The following MIDEAS variants were observed in gnomAD, a reference collection of about 807,000 sequenced individuals.
MIDEAS encodes the protein mitotic deacetylase associated SANT domain protein.
Under a neutral mutation model 102.7 loss-of-function variants are expected in MIDEAS, and 26 were observed. The observed-to-expected ratio is 0.25, with a 90% CI of 0.19 to 0.35. The LOEUF (loss-of-function observed/expected upper bound fraction) is 0.35. Ranked by LOEUF, MIDEAS falls within the 10% of genes least tolerant of loss-of-function variation. The pLI is 1.00. For synonymous variants in MIDEAS, 585 were observed against 591.0 expected, an observed-to-expected ratio of 0.99 and a Z score of 0.15; for missense variants, 1,231 against 1,435.6, an observed-to-expected ratio of 0.86 and a Z score of 2.30.
intron 1 of MIDEAS, among the ~76,000 whole-genome samples, chr14:73,747,874 C>A (rs757992289): frequency 1.1e-4 from 16 of 152,080 alleles, no homozygotes; most frequent in Non-Finnish European, 2.2e-4. Flanking sequence ...TATGGCCTGC[C>A]CAGGAGACAT....
rs1018645264 is a variant in MIDEAS, at chr14:73,718,519, C to T, written c.*324G>A. ...GGAAGCAAATAAAGGGAAAAGACTGCGGGGCAGCAGAGCAGCAGAAATCGG... is the reference window on the plus strand; with the variant it reads ...GGAAGCAAATAAAGGGAAAAGACTGTGGGGCAGCAGAGCAGCAGAAATCGG... On this transcript the variant is annotated 3_prime_UTR_variant, in exon 13 of 13. Transcript: ENST00000423556. 1 of 230,922 alleles carries T rather than the reference C, an allele frequency of 4.3e-6. No individual in the cohort carries two copies. Among genetic ancestry groups the T allele is most frequent in the East Asian group, 8.6e-5 (1 of 11,574 alleles). The allele number at this position is 230,922 out of a possible 1,614,324, so 14.3% of individuals were successfully genotyped here. A position where few individuals can be genotyped will look rare whatever the true frequency, so the allele number is the denominator to read the frequency against.
upstream of MIDEAS, chr14:73,788,819 TAGCC>T (rs1218378210): frequency 6.6e-6 from 1 of 152,232 alleles, no homozygotes; most frequent in Non-Finnish European, 1.5e-5. Context: ...GAGAATATGT[TAGCC>T]AGGCTTCTAA....
chr14:73,762,127 C>A (rs894240431), upstream of MIDEAS, among the ~76,000 whole-genome samples: 2 of 152,260 alleles, frequency 1.3e-5, no homozygotes, highest in Non-Finnish European at 2.9e-5. Context: ...TGTGGCCATC[C>A]TCACCTCCCC....
intron 5 of MIDEAS, 34 bp from the exon 6 acceptor site, chr14:73,727,006 C>T (rs968233778): frequency 1.3e-6 from 2 of 1,559,658 alleles, no homozygotes; most frequent in Non-Finnish European, 1.7e-6. Flanking sequence ...AGTGAGGCCT[C>T]ACCTTGCGGG....
chr14:73,721,172 T>G, intron 11 of MIDEAS, 125 bp downstream of exon 11: 1 of 899,314 alleles, frequency 1.1e-6, no homozygotes, highest in Middle Eastern at 2.8e-4. Flanking sequence ...CACAAAGTAC[T>G]TCACACATTT....
At chr14:73,753,174 C>G (rs1456682422) in intron 1 of MIDEAS, among the ~76,000 whole-genome samples, 1 of 152,240 alleles carries the variant, frequency 6.6e-6, no homozygotes, top group Non-Finnish European at 1.5e-5. Context: ...GAGTCCTCCA[C>G]AGAAGGGCCT....
chr14:73,760,534 G>A (rs2053545358), upstream of MIDEAS, among the ~76,000 whole-genome samples: 1 of 152,242 alleles, frequency 6.6e-6, no homozygotes, highest in African/African-American at 2.4e-5. The surrounding 1 kb of genome is among the most constrained non-coding windows in gnomAD (Gnocchi z 4.8). Context: ...ACCAAGGTCA[G>A]GAGGAGACGG....
rs1380050348 is a variant in MIDEAS at position 73,759,645 on chromosome 14, C to T, written c.-248+118G>A. Reference sequence around the variant, plus strand: ...GGCCCCCGCGGCCCCCTCTCCGGGCCGCGCCTGCAGAGCTGCAACCCGCCG... The same window carrying T: ...GGCCCCCGCGGCCCCCTCTCCGGGCTGCGCCTGCAGAGCTGCAACCCGCCG... On this transcript the variant is annotated intron_variant, in intron 1 of 12. Transcript: ENST00000423556. This position sits in a 1 kb window ranked among gnomAD's most constrained non-coding sequence, Gnocchi z 6.7. 1 of 150,306 alleles carries T rather than the reference C, an allele frequency of 6.7e-6. No homozygotes were observed. The highest frequency in any genetic ancestry group is 1.5e-5 in the Non-Finnish European group (1 of 67,420). The allele number at this position is 150,306 out of a possible 1,614,324, so 9.3% of individuals were successfully genotyped here.
chr14:73,724,969 G>C (rs1223052430), intron 9 of MIDEAS: 2 of 279,490 alleles, frequency 7.2e-6, no homozygotes, highest in Admixed American at 4.5e-5. Context: ...ACCTCTACTT[G>C]CCACCCTCCT....
At position 73,738,713 on chromosome 14, in the gene MIDEAS, C is replaced by G; in HGVS notation, c.1296G>C (p.Glu432Asp). Reference protein sequence around the residue: ...EREAPAMGSEEGMRAVSTGDC... With the variant: ...EREAPAMGSEDGMRAVSTGDC... ...CCCCTGTGCTCACTGCCCTCATGCCCTCCTCGCTGCCCATGGCAGGAGCCT... is the reference window on the plus strand; with the variant it reads ...CCCCTGTGCTCACTGCCCTCATGCCGTCCTCGCTGCCCATGGCAGGAGCCT... Residue 432 changes from glutamate (E) to aspartate (D), a missense_variant, in exon 2 of 13, where the codon GAG becomes GAC. Transcript: ENST00000423556. 1.9e-6 allele frequency: 3 copies of G among 1,613,546 alleles called. No individual in the cohort carries two copies. Among genetic ancestry groups the G allele is most frequent in the Non-Finnish European group, 2.5e-6 (3 of 1,179,762 alleles).
At position 73,731,419 on chromosome 14, in the gene MIDEAS, G is replaced by A. The variant is rs549531135; in HGVS notation, c.1750-1434C>T. Among the ~76,000 whole-genome samples, 121 of 151,948 alleles carry A rather than the reference G, an allele frequency of 8.0e-4. 1 individual carries two copies. Among genetic ancestry groups the A allele is most frequent in the Non-Finnish European group, 1.4e-3 (97 of 67,980 alleles). On this transcript the variant is annotated intron_variant, in intron 3 of 12. Coordinates refer to ENST00000423556, the MANE Select transcript of MIDEAS (RefSeq NM_001367710.1). ...GCCCTCTTTTCCCTTCTACAAATTG[G>A]GATGAAATGAAACTGTTCGTTCTTC...
At position 73,773,399 on chromosome 14, in the gene MIDEAS, T is replaced by C. The variant is rs575918594; in HGVS notation, c.-248+13703A>G. 4.0e-4 allele frequency among the ~76,000 whole-genome samples: 60 copies of C among 151,672 alleles called. 1 individual carries two copies. The highest frequency in any genetic ancestry group is 1.3e-3 in the African/African-American group (55 of 41,434). ...GTGGGTAGGAAGGTAGAGGCTGGGA[T>C]GAGTAAGGAGGGGAGAGCAGGCCTT... is the stretch of plus-strand genomic sequence containing the variant. On this transcript the variant is annotated intron_variant, in intron 1 of 11. Transcript: ENST00000394071.
Position 73,722,743 on chromosome 14 carries a change from C to T in MIDEAS, c.2679G>A (p.Thr893=), listed in dbSNP as rs769811804. 45 of 1,614,154 alleles carry T rather than the reference C, an allele frequency of 2.8e-5. No individual in the cohort carries two copies. The highest frequency in any genetic ancestry group is 1.7e-4 in the Middle Eastern group (1 of 6,060). ...NGTLTFGDVD[T]SDEKSAQEEV... is the part of the protein sequence containing the mutation. ...CTTCCTGGGCCGACTTCTCATCGCTCGTATCCACATCCCCAAAGGTTAGAG... is the reference window on the plus strand; with the variant it reads ...CTTCCTGGGCCGACTTCTCATCGCTTGTATCCACATCCCCAAAGGTTAGAG... Residue 893 remains threonine (T), a synonymous_variant, in exon 10 of 13, where the codon ACG becomes ACA. Coordinates refer to ENST00000423556, the MANE Select transcript of MIDEAS (RefSeq NM_001367710.1).
intron 1 of MIDEAS, among the ~76,000 whole-genome samples, chr14:73,767,387 C>T (rs1324506729): frequency 2.6e-5 from 4 of 151,974 alleles, no homozygotes; most frequent in South Asian, 2.1e-4. Flanking sequence ...ATAATCCCAG[C>T]GCTTTGGGAG....
In MIDEAS at chr14:73,777,551, C is replaced by T. The variant is rs764097203; in HGVS notation, c.-248+9551G>A. On this transcript the variant is annotated intron_variant, in intron 1 of 11. Transcript: ENST00000394071. ...TCTCAGCCGTGCTCCACTGCCCCAC[C>T]ACTTGCAGTCCCCAGAGCAAATGGT... 5.9e-5 allele frequency among the ~76,000 whole-genome samples: 9 copies of T among 151,868 alleles called. 1 individual carries two copies. The highest frequency in any genetic ancestry group is 1.3e-4 in the Admixed American group (2 of 15,252).
intron 1 of MIDEAS, among the ~76,000 whole-genome samples, chr14:73,786,741 A>G (rs1279242257): frequency 6.6e-6 from 1 of 152,220 alleles, no homozygotes; most frequent in Non-Finnish European, 1.5e-5. Flanking sequence ...AGCACCGGGC[A>G]GGGGCCGAGA....
In MIDEAS at chr14:73,739,665, C is replaced by A; in HGVS notation, c.344G>T (p.Gly115Val). ...CTGCTGCCAGCTGCTGTCACTGACA[C>A]CCCCACCTCCTCCACGCTCCGGGCC... is the stretch of plus-strand genomic sequence containing the variant. ...GRGPERGGGG[G>V]VSDSSWQQQP... The change falls in exon 2 of 13, where the codon GGT (glycine) becomes GTT (valine). Residue 115 changes from glycine (G) to valine (V), a missense_variant. By Grantham distance (109) the Gly-to-Val change is moderately radical. Coordinates refer to ENST00000423556, the MANE Select transcript of MIDEAS (RefSeq NM_001367710.1). 6.2e-7 allele frequency: 1 copy of A among 1,613,820 alleles called. No individual in the cohort carries two copies. The highest frequency in any genetic ancestry group is 1.7e-5 in the Admixed American group (1 of 60,012).
intron 1 of MIDEAS, among the ~76,000 whole-genome samples, 151 bp from the exon 2 acceptor site, chr14:73,740,406 G>A (rs1313596028): frequency 6.6e-6 from 1 of 152,138 alleles, no homozygotes; most frequent in Non-Finnish European, 1.5e-5. Context: ...CAGCATTGGT[G>A]AGGCAGGAGC....
chr14:73,790,101 A>T (rs546631785), upstream of MIDEAS: 13 of 152,346 alleles, frequency 8.5e-5, no homozygotes, highest in South Asian at 4.1e-4. Context: ...ACTATCTCTG[A>T]TAAGGATTAC....
Sources: gnomAD v4.1 joint callset for allele counts (sites outside exome capture counted in the v4.1 genomes callset) on GRCh38, gnomAD v4.1.1 for gene constraint, Gnocchi (gnomAD v3.1) non-coding constraint, MANE v1.5 for transcripts, NCBI Gene and HGNC (gene_info 2026-07-23, HGNC 2026-07-21) for gene names.